The following CDH12 variants were observed in gnomAD, a reference collection of about 807,000 sequenced individuals.
The protein encoded by CDH12 is cadherin 12, also known as cadherin-12.
A neutral mutation model predicts 74.1 loss-of-function variants in CDH12; 41 were observed. That is an observed-to-expected ratio of 0.55 (90% CI 0.43 to 0.72). The LOEUF (loss-of-function observed/expected upper bound fraction) is 0.72, where lower values mean the gene tolerates loss of function less well. CDH12 is among the 30% of genes least tolerant of loss of function. The probability of loss-of-function intolerance (pLI) is 0.00; values close to 1 mark genes in which losing one functional copy is unlikely to be tolerated. For synonymous variants in CDH12, 399 were observed against 355.0 expected, an observed-to-expected ratio of 1.12 and a Z score of -1.39; for missense variants, 945 against 977.2, an observed-to-expected ratio of 0.97 and a Z score of 0.44.
intron 1 of CDH12, among the ~76,000 whole-genome samples, chr5:22,738,144 G>T (rs1458048683): frequency 3.3e-5 from 5 of 151,860 alleles, no homozygotes; most frequent in African/African-American, 1.2e-4. Context: ...GCTACAGAGG[G>T]GCCACAGCAA....
intron 1 of CDH12, among the ~76,000 whole-genome samples, chr5:22,754,655 A>C (rs1745793906): frequency 6.6e-6 from 1 of 152,066 alleles, no homozygotes; most frequent in Non-Finnish European, 1.5e-5. Context: ...GCAGAGACAT[A>C]ACGGCACAAA....
chr5:22,305,935 T>C (rs1738087090), intron 3 of CDH12, among the ~76,000 whole-genome samples: 1 of 152,144 alleles, frequency 6.6e-6, no homozygotes, highest in African/African-American at 2.4e-5. Context: ...TGATCTTCTT[T>C]CATAAACTTC....
At chr5:22,211,479 C>T (rs1301688901) in intron 4 of CDH12, among the ~76,000 whole-genome samples, 2 of 151,966 alleles carry the variant, frequency 1.3e-5, no homozygotes, top group Non-Finnish European at 2.9e-5. Context: ...TATTTAATTA[C>T]TCTTAATTAC....
intron 6 of CDH12, among the ~76,000 whole-genome samples, chr5:21,972,571 GGTTC>G (rs1239540147): frequency 4.6e-5 from 7 of 152,186 alleles, no homozygotes; most frequent in African/African-American, 1.4e-4. Context: ...TTGAGAATGG[GGTTC>G]GAGTACTCTA....
At chr5:22,710,665 GCAGT>G (rs1355226226) in intron 1 of CDH12, among the ~76,000 whole-genome samples, 2 of 152,116 alleles carry the variant, frequency 1.3e-5, no homozygotes, top group Non-Finnish European at 2.9e-5. Flanking sequence ...CAGAAAGGAG[GCAGT>G]CAATTTCTTG....
intron 5 of CDH12, among the ~76,000 whole-genome samples, chr5:21,989,992 C>T (rs1757680568): frequency 6.6e-6 from 1 of 152,114 alleles, no homozygotes; most frequent in Non-Finnish European, 1.5e-5. Context: ...CAATCTTATT[C>T]TTTCTCTGGC....
intron 3 of CDH12, among the ~76,000 whole-genome samples, chr5:22,291,338 T>C (rs1737380501): frequency 6.6e-6 from 1 of 152,182 alleles, no homozygotes. Flanking sequence ...CTATTCATTA[T>C]AGTACACTGG....
rs535698866 is a variant in CDH12, at chr5:22,111,784, A to G, written c.-186-32922T>C. ...GCTTTACATCTACCTATCATAAACA[A>G]AGAGAAAGTTCTTACAAAGCCATCA... is the stretch of plus-strand genomic sequence containing the variant. On this transcript the variant is annotated intron_variant, in intron 4 of 14. Coordinates refer to ENST00000382254, the MANE Select transcript of CDH12 (RefSeq NM_004061.5). Among the ~76,000 whole-genome samples, 317 of 152,286 alleles carry G rather than the reference A, an allele frequency of 2.1e-3. 4 individuals are homozygous for G. Among genetic ancestry groups the G allele is most frequent in the African/African-American group, 7.0e-3 (292 of 41,574 alleles).
At chr5:22,081,961 C>A (rs981837233) in intron 4 of CDH12, among the ~76,000 whole-genome samples, 1 of 152,132 alleles carries the variant, frequency 6.6e-6, no homozygotes, top group African/African-American at 2.4e-5. Flanking sequence ...CAGTAGTCCC[C>A]ATTTATATGT....
chr5:22,122,484 A>G (rs965553213), intron 4 of CDH12, among the ~76,000 whole-genome samples: 1 of 151,994 alleles, frequency 6.6e-6, no homozygotes, highest in Non-Finnish European at 1.5e-5. Context: ...CGAAGGACTC[A>G]TCTCCTATTT....
At chr5:21,840,953 A>T (rs1328787019) in intron 8 of CDH12, among the ~76,000 whole-genome samples, 1 of 151,960 alleles carries the variant, frequency 6.6e-6, no homozygotes, top group Non-Finnish European at 1.5e-5. Context: ...ATGGGTAAGG[A>T]CTTCATGTCT....
intron 8 of CDH12, among the ~76,000 whole-genome samples, chr5:21,827,412 A>C (rs538964654): frequency 6.6e-6 from 1 of 152,244 alleles, no homozygotes; most frequent in African/African-American, 2.4e-5. Flanking sequence ...TCATTAGGAG[A>C]TGTGACAAGG....
chr5:22,435,712 G>A (rs1744359284), intron 2 of CDH12, among the ~76,000 whole-genome samples: 1 of 151,958 alleles, frequency 6.6e-6, no homozygotes, highest in Admixed American at 6.6e-5. Context: ...GCAGCTAGAG[G>A]CTACAAGATT....
At chr5:22,269,443 T>G (rs972436562) in intron 3 of CDH12, among the ~76,000 whole-genome samples, 3 of 152,174 alleles carry the variant, frequency 2.0e-5, no homozygotes, top group African/African-American at 7.2e-5. Context: ...TTAACCTGGT[T>G]GTTTGCACCC....
At chr5:22,121,894 C>T (rs908193872) in intron 4 of CDH12, among the ~76,000 whole-genome samples, 5 of 152,044 alleles carry the variant, frequency 3.3e-5, no homozygotes, top group Non-Finnish European at 7.4e-5. Context: ...CTTAAAACAT[C>T]ATAGATTAAT....
intron 5 of CDH12, among the ~76,000 whole-genome samples, chr5:21,988,922 G>C (rs1364699129): frequency 6.6e-6 from 1 of 152,118 alleles, no homozygotes; most frequent in Non-Finnish European, 1.5e-5. Context: ...GAAGAGATAA[G>C]AGACAGATTC....
chr5:22,227,776 G>A (rs911450661), intron 3 of CDH12, among the ~76,000 whole-genome samples: 3 of 152,102 alleles, frequency 2.0e-5, no homozygotes, highest in Non-Finnish European at 4.4e-5. Flanking sequence ...CACTTCAGTG[G>A]CCATAATGGC....
Position 21,758,392 on chromosome 5 carries a change from C to G in CDH12, c.1633+2166G>C, listed in dbSNP as rs141235897. ...TTGTGGAGACTCTGACTTTCTTTGCCTAATCATTGTAGCAAACTAATCTCT... is the reference window on the plus strand; with the variant it reads ...TTGTGGAGACTCTGACTTTCTTTGCGTAATCATTGTAGCAAACTAATCTCT... On this transcript the variant is annotated intron_variant, in intron 13 of 14. Coordinates refer to ENST00000382254, the MANE Select transcript of CDH12 (RefSeq NM_004061.5). Among the ~76,000 whole-genome samples the G allele has an allele frequency of 3.9e-5, 6 of 152,216 alleles. No homozygotes were observed. In the East Asian group the frequency reaches 1.2e-3, roughly 29 times the overall value.
chr5:22,827,529 T>C (rs1307445773), intron 1 of CDH12, among the ~76,000 whole-genome samples: 7 of 152,164 alleles, frequency 4.6e-5, no homozygotes, highest in African/African-American at 1.2e-4. Flanking sequence ...GGGCACCACA[T>C]TGAAGCACAA....
Sources: allele counts gnomAD v4.1 joint callset (sites outside exome capture counted in the v4.1 genomes callset), GRCh38; gene constraint gnomAD v4.1.1; transcripts MANE v1.5; gene names NCBI Gene and HGNC (gene_info 2026-07-23, HGNC 2026-07-21).